Variants in EGFLAM observed in about 807,000 individuals in gnomAD.
EGFLAM encodes EGF like, fibronectin type III and laminin G domains, also known as pikachurin.
Under a neutral mutation model 113.1 loss-of-function variants are expected in EGFLAM, and 79 were observed. The observed-to-expected ratio is 0.70, with a 90% CI of 0.58 to 0.84. EGFLAM has a LOEUF of 0.84. Ranked by LOEUF, EGFLAM falls within the 40% of genes least tolerant of loss-of-function variation. EGFLAM has a pLI of 0.00. For missense variants in EGFLAM, 1,265 were observed against 1,291.6 expected, an observed-to-expected ratio of 0.98 and a Z score of 0.32; for synonymous variants, 504 against 487.6, an observed-to-expected ratio of 1.03 and a Z score of -0.44.
intron 6 of EGFLAM, among the ~76,000 whole-genome samples, chr5:38,395,731 C>T (rs1740942238): frequency 1.3e-5 from 2 of 152,120 alleles, no homozygotes; most frequent in African/African-American, 2.4e-5. Context: ...TGTGAGCCAC[C>T]GACAAGCTAC....
intron 1 of EGFLAM, among the ~76,000 whole-genome samples, chr5:38,266,063 A>G (rs1050456533): frequency 1.3e-5 from 2 of 152,078 alleles, no homozygotes; most frequent in Non-Finnish European, 1.5e-5. Context: ...CTGTCCTTAG[A>G]CTCTAAGCTG....
At chr5:38,451,564 T>A (rs1204261349) in intron 19 of EGFLAM, 106 bp downstream of exon 19, 1 of 1,475,808 alleles carries the variant, frequency 6.8e-7, no homozygotes. Context: ...TCTGCTGGAA[T>A]TGGCTGAAGC....
At chr5:38,338,451 G>A (rs1051139333) in intron 2 of EGFLAM, among the ~76,000 whole-genome samples, 1 of 152,150 alleles carries the variant, frequency 6.6e-6, no homozygotes, top group African/African-American at 2.4e-5. Context: ...AAAATAACAC[G>A]AGCCATGTGC....
intron 13 of EGFLAM, among the ~76,000 whole-genome samples, chr5:38,425,447 G>A (rs868658203): frequency 1.9e-4 from 29 of 152,278 alleles, no homozygotes; most frequent in South Asian, 6.2e-4. Context: ...GATTACAGGC[G>A]TGAGCCACCA....
At chr5:38,380,495 G>A (rs1223076286) in intron 6 of EGFLAM, among the ~76,000 whole-genome samples, 1 of 152,156 alleles carries the variant, frequency 6.6e-6, no homozygotes, top group Non-Finnish European at 1.5e-5. Context: ...ATTATTCCAG[G>A]AGCATGGGAA....
At chr5:38,443,259 C>A (rs1038524285) in intron 17 of EGFLAM, among the ~76,000 whole-genome samples, 1 of 152,030 alleles carries the variant, frequency 6.6e-6, no homozygotes, top group East Asian at 1.9e-4. Context: ...GAGCGAGACT[C>A]TGTCTCAAAA....
chr5:38,368,042 C>T (rs1381888308), intron 5 of EGFLAM, among the ~76,000 whole-genome samples: 1 of 152,172 alleles, frequency 6.6e-6, no homozygotes, highest in Non-Finnish European at 1.5e-5. Context: ...AAGATTGTTG[C>T]AGGTCTTTGC....
At chr5:38,429,676 T>C (rs1742127117) in intron 14 of EGFLAM, among the ~76,000 whole-genome samples, 1 of 152,222 alleles carries the variant, frequency 6.6e-6, no homozygotes, top group African/African-American at 2.4e-5. Flanking sequence ...TCAGAAAATA[T>C]GGAATCTATT....
At chr5:38,338,531 A>AC (rs1232709327) in intron 2 of EGFLAM, among the ~76,000 whole-genome samples, 167 bp from the exon 3 acceptor site, 1 of 151,848 alleles carries the variant, frequency 6.6e-6, no homozygotes, top group African/African-American at 2.4e-5. Context: ...AGTTTGCAAC[A>AC]CCCCCCACCC....
intron 1 of EGFLAM, among the ~76,000 whole-genome samples, chr5:38,274,018 CAG>C (rs1489126147): frequency 6.6e-6 from 1 of 151,908 alleles, no homozygotes; most frequent in Non-Finnish European, 1.5e-5. Context: ...ATAAATTTAA[CAG>C]AGAAATATTA....
chr5:38,438,944 C>T (rs1472641823), intron 17 of EGFLAM, among the ~76,000 whole-genome samples: 2 of 152,180 alleles, frequency 1.3e-5, no homozygotes, highest in Non-Finnish European at 2.9e-5. Flanking sequence ...GTATGCATAA[C>T]CTTCTGTATA....
intron 1 of EGFLAM, among the ~76,000 whole-genome samples, chr5:38,311,706 C>T (rs749205279): frequency 1.2e-4 from 19 of 152,142 alleles, no homozygotes; most frequent in Non-Finnish European, 2.6e-4. Context: ...ACACTTCCCT[C>T]CCTACCAAGA....
intron 10 of EGFLAM, among the ~76,000 whole-genome samples, chr5:38,411,477 T>A (rs1741475935): frequency 6.8e-6 from 1 of 147,650 alleles, no homozygotes; most frequent in East Asian, 2.0e-4. Context: ...TACCTTTCAT[T>A]AATTTCTTTT....
chr5:38,270,499 A>AC (rs61590793), intron 1 of EGFLAM, among the ~76,000 whole-genome samples: 62,735 of 151,850 alleles, frequency 0.41, 13,491 homozygotes, highest in Middle Eastern at 0.56. Context: ...GGAAAAAAAA[A>AC]AACAACAAGC....
intron 5 of EGFLAM, among the ~76,000 whole-genome samples, chr5:38,368,838 G>A (rs192402978): frequency 1.3e-3 from 200 of 152,022 alleles, no homozygotes; most frequent in Non-Finnish European, 2.2e-3. Flanking sequence ...CCTGTTCAGT[G>A]CCTTAGTTCC....
chr5:38,319,279 C>T (rs1274156473), intron 1 of EGFLAM, among the ~76,000 whole-genome samples: 1 of 152,122 alleles, frequency 6.6e-6, no homozygotes, highest in African/African-American at 2.4e-5. Flanking sequence ...TGACCCCATG[C>T]TTGACCCCCT....
chr5:38,436,257 G>C (rs1267564137), intron 16 of EGFLAM, among the ~76,000 whole-genome samples: 1 of 152,188 alleles, frequency 6.6e-6, no homozygotes, highest in Non-Finnish European at 1.5e-5. Context: ...AGGATCTGAA[G>C]AAAAGCATGT....
Position 38,464,170 on chromosome 5 carries a change from T to C in EGFLAM, c.*184T>C. On this transcript the variant is annotated 3_prime_UTR_variant, in exon 22 of 22. Coordinates refer to ENST00000322350, the MANE Select transcript of EGFLAM (RefSeq NM_152403.4). ...GGCATCCCTGGGTGGCCTTTCCTGC[T>C]GACACTCCACGAGCTGACCCAGCAG... is the stretch of plus-strand genomic sequence containing the variant. The C allele has an allele frequency of 1.4e-6, 1 of 713,298 alleles. No individual in the cohort carries two copies. The highest frequency in any genetic ancestry group is 2.2e-6 in the Non-Finnish European group (1 of 446,268). 44.2% of individuals were successfully genotyped at this position (713,298 alleles called of 1,614,324 possible). A position where few individuals can be genotyped will look rare whatever the true frequency, so the allele number is the denominator to read the frequency against.
Position 38,409,055 on chromosome 5 carries a change from AG to A in EGFLAM, c.1306del (p.Asp436IlefsTer26). On this transcript the variant is annotated frameshift_variant, in exon 10 of 22. Transcript: ENST00000322350. LOFTEE classifies it high-confidence loss of function. ...LLYCGENEHG[R>X]GDFMSLAIIR... ...CTACTGTGGGGAGAACGAACACGGG[AG>A]GGGGGATTTCATGTCCCTGGCTATC... The A allele has an allele frequency of 6.3e-7, 1 of 1,595,582 alleles. No homozygotes were observed. Among genetic ancestry groups the A allele is most frequent in the Non-Finnish European group, 8.5e-7 (1 of 1,169,986 alleles).
Sources: allele counts gnomAD v4.1 joint callset (sites outside exome capture counted in the v4.1 genomes callset), GRCh38; gene constraint gnomAD v4.1.1; transcripts MANE v1.5; gene names NCBI Gene and HGNC (gene_info 2026-07-23, HGNC 2026-07-21).